The following RSRP1 variants were observed in gnomAD, a reference collection of about 807,000 sequenced individuals.
RSRP1 encodes the protein arginine and serine rich protein 1.
A neutral mutation model predicts 33.0 loss-of-function variants in RSRP1; 37 were observed. The ratio of observed to expected loss-of-function variants is 1.12; its 90% confidence interval spans 0.86 to 1.48. The LOEUF (loss-of-function observed/expected upper bound fraction) is 1.48, where lower values mean the gene tolerates loss of function less well. Among genes scored for constraint, RSRP1 ranks in the 40% most tolerant of loss-of-function variants. The pLI is 0.00. For synonymous variants in RSRP1, 167 were observed against 158.7 expected (o/e 1.05, Z -0.40); for missense variants, 402 against 385.3 (o/e 1.04, Z -0.36).
At chr1:25,273,302 A>AATTTT (rs1553137277) in intron 1 of RSRP1, among the ~76,000 whole-genome samples, 46 of 97,730 alleles carry the variant, frequency 4.7e-4, no homozygotes, top group African/African-American at 1.6e-3. Context: ...TGCCTGGCTA[A>AATTTT]TTTTTTTTTT....
intron 1 of RSRP1, among the ~76,000 whole-genome samples, chr1:25,283,532 T>A (rs75894073): frequency 0.022 from 2,665 of 120,940 alleles, 317 homozygotes; most frequent in African/African-American, 0.067. Flanking sequence ...TCTATCTCGA[T>A]ATTAAAAAAA....
At chr1:25,262,770 G>C (rs1640199082) in intron 1 of RSRP1, among the ~76,000 whole-genome samples, 1 of 152,220 alleles carries the variant, frequency 6.6e-6, no homozygotes, top group Admixed American at 6.5e-5. Context: ...GGCAGGAATG[G>C]AAGCGTGTAT....
intron 1 of RSRP1, among the ~76,000 whole-genome samples, chr1:25,309,397 T>C (rs192276517): frequency 1.5e-5 from 2 of 131,716 alleles, no homozygotes; most frequent in East Asian, 3.9e-4. Flanking sequence ...CTCTTTTGAA[T>C]AGCAGAGAAA....
In RSRP1 at chr1:25,283,872, C is replaced by T. The variant is rs1198503919; in HGVS notation, c.-66-36843G>A. 6.7e-5 allele frequency among the ~76,000 whole-genome samples: 9 copies of T among 134,100 alleles called. 1 individual carries two copies. Among genetic ancestry groups the T allele is most frequent in the Middle Eastern group, 8.0e-3 (2 of 250 alleles). The allele number at this position is 134,100 out of a possible 152,430, so 88.0% of individuals were successfully genotyped here. On this transcript the variant is annotated intron_variant, in intron 1 of 1. Coordinates refer to the RSRP1 transcript ENST00000561867. ...AAAACTGGAATTAAACCAAAGTGCTCACCCTCCGCTTTGCTGGGCCCCTCC... is the reference window on the plus strand; with the variant it reads ...AAAACTGGAATTAAACCAAAGTGCTTACCCTCCGCTTTGCTGGGCCCCTCC...
chr1:25,251,401 ACT>A (rs1295058504), upstream of RSRP1, among the ~76,000 whole-genome samples: 2 of 151,440 alleles, frequency 1.3e-5, no homozygotes, highest in African/African-American at 4.9e-5. Flanking sequence ...ACGGAGTTTC[ACT>A]CTGTTGCCCA....
At position 25,276,619 on chromosome 1, in the gene RSRP1, T is replaced by C. The variant is rs1199030137; in HGVS notation, c.-66-29590A>G. 3.3e-4 allele frequency among the ~76,000 whole-genome samples: 39 copies of C among 118,742 alleles called. 3 individuals are homozygous for C. Among genetic ancestry groups the C allele is most frequent in the African/African-American group, 9.7e-4 (32 of 33,036 alleles). 77.9% of individuals were successfully genotyped at this position (118,742 alleles called of 152,430 possible). A position where few individuals can be genotyped will look rare whatever the true frequency, so the allele number is the denominator to read the frequency against. ...GTCCCAGCTACTCAGTAGGCTGAGG[T>C]GAGAGGCTTGCTTGAGCCTGGGAGC... On this transcript the variant is annotated intron_variant, in intron 1 of 1. Transcript: ENST00000561867.
At chr1:25,257,042 T>C (rs1369913947) in intron 1 of RSRP1, among the ~76,000 whole-genome samples, 1 of 152,228 alleles carries the variant, frequency 6.6e-6, no homozygotes, top group African/African-American at 2.4e-5. Context: ...CTGCTTTAAG[T>C]AGTATTACTT....
intron 1 of RSRP1, among the ~76,000 whole-genome samples, chr1:25,278,501 T>C (rs991398867): frequency 1.5e-5 from 2 of 131,782 alleles, no homozygotes; most frequent in African/African-American, 5.2e-5. Flanking sequence ...CTTCTGTTAG[T>C]TTCACCCAGG....
Position 25,306,769 on chromosome 1 carries a change from C to T in RSRP1, c.-67+31209G>A, listed in dbSNP as rs200442437. ...TTACCCCCCATCCCCTTAACACTCC[C>T]CTCCAACTCAGGAAGAAATGTGTGC... On this transcript the variant is annotated intron_variant, in intron 1 of 1. Coordinates refer to the RSRP1 transcript ENST00000561867. The T allele has an allele frequency of 3.4e-4, 459 of 1,366,862 alleles. 113 individuals carry two copies. Among genetic ancestry groups the T allele is most frequent in the Non-Finnish European group, 1.0e-4 (98 of 969,960 alleles). 84.7% of individuals were successfully genotyped at this position (1,366,862 alleles called of 1,614,324 possible).
chr1:25,313,378 A>G lies in RSRP1; in HGVS notation c.-67+24600T>C, dbSNP rs561866779. Among the ~76,000 whole-genome samples, 19 of 132,800 alleles carry G rather than the reference A, an allele frequency of 1.4e-4. 2 individuals carry two copies. The South Asian group carries it at 3.2e-3, about 22-fold the overall frequency. The allele number at this position is 132,800 out of a possible 152,430, so 87.1% of individuals were successfully genotyped here. On this transcript the variant is annotated intron_variant, in intron 1 of 1. Coordinates refer to the RSRP1 transcript ENST00000561867. ...TGGTATTCTGTTATAGCAATAGAAA[A>G]TGAACTGAGATAATATACATGGAAT...
rs1237619841 is a variant in RSRP1, at chr1:25,268,819, G to C, written c.-66-21790C>G. Among the ~76,000 whole-genome samples, 3 of 128,858 alleles carry C rather than the reference G, an allele frequency of 2.3e-5. 1 individual carries two copies. Among genetic ancestry groups the C allele is most frequent in the South Asian group, 4.8e-4 (2 of 4,208 alleles). 84.5% of individuals were successfully genotyped at this position (128,858 alleles called of 152,430 possible). ...AAAAACTAGCCGGGTGTGGTATCAC[G>C]CGCCTATAATCCCAGCTACTCGGGA... On this transcript the variant is annotated intron_variant, in intron 1 of 1. Coordinates refer to the RSRP1 transcript ENST00000561867.
At chr1:25,336,885 G>C (rs1240780076) in intron 1 of RSRP1, among the ~76,000 whole-genome samples, 1 of 151,806 alleles carries the variant, frequency 6.6e-6, no homozygotes, top group African/African-American at 2.4e-5. Context: ...ATCGGCTAAT[G>C]CACCGCCAAA....
At chr1:25,268,863 A>T in intron 1 of RSRP1, among the ~76,000 whole-genome samples, 1 of 128,090 alleles carries the variant, frequency 7.8e-6, no homozygotes, top group Middle Eastern at 4.1e-3. Context: ...CGGGAGAATC[A>T]CTTGAACCTG....
chr1:25,284,040 G>A (rs572120460), intron 1 of RSRP1, among the ~76,000 whole-genome samples: 2 of 135,140 alleles, frequency 1.5e-5, no homozygotes, highest in Admixed American at 7.1e-5. Flanking sequence ...AGGCGGCAAA[G>A]GGAGGGAGGT....
intron 1 of RSRP1, among the ~76,000 whole-genome samples, chr1:25,286,890 C>CAACATG: frequency 7.4e-6 from 1 of 134,400 alleles, no homozygotes; most frequent in East Asian, 1.9e-4. Context: ...GTCAGGAGTC[C>CAACATG]GAGACCAACC....
chr1:25,243,098 C>CA lies in RSRP1; in HGVS notation c.757-394dup, dbSNP rs796504072. 8.2e-3 allele frequency among the ~76,000 whole-genome samples: 1,177 copies of CA among 143,812 alleles called. 12 individuals carry two copies. Among genetic ancestry groups the CA allele is most frequent in the African/African-American group, 0.028 (1,106 of 39,234 alleles). 94.3% of individuals were successfully genotyped at this position (143,812 alleles called of 152,430 possible). The stretch of plus-strand genomic sequence containing the variant: ...AACAGAGCAAGACTCTGTCTCAAAA[C>CA]AAAAAAAAAAGGATTATCAACCAAA... On this transcript the variant is annotated intron_variant, in intron 4 of 4. Coordinates refer to ENST00000243189, the MANE Select transcript of RSRP1 (RefSeq NM_020317.5).
chr1:25,333,231 C>T lies in RSRP1; in HGVS notation c.-67+4747G>A, dbSNP rs1224100236. 9.1e-5 allele frequency among the ~76,000 whole-genome samples: 12 copies of T among 132,040 alleles called. 4 individuals carry two copies. Among genetic ancestry groups the T allele is most frequent in the Non-Finnish European group, 2.1e-4 (12 of 55,954 alleles). The allele number at this position is 132,040 out of a possible 152,430, so 86.6% of individuals were successfully genotyped here. ...CATATATCAATCTCTTCTGGAAATA[C>T]CCTCACAGACACACTAACAAATAAT... On this transcript the variant is annotated intron_variant, in intron 1 of 1. Coordinates refer to the RSRP1 transcript ENST00000561867.
chr1:25,257,554 G>T (rs949482928), intron 1 of RSRP1, among the ~76,000 whole-genome samples: 42 of 151,844 alleles, frequency 2.8e-4, no homozygotes, highest in African/African-American at 9.9e-4. Context: ...TAGAGCAAAG[G>T]GTTTATTGTG....
intron 1 of RSRP1, among the ~76,000 whole-genome samples, chr1:25,309,662 G>A (rs1236484819): frequency 7.6e-6 from 1 of 131,912 alleles, no homozygotes; most frequent in Non-Finnish European, 1.8e-5. Flanking sequence ...GCCAAGCTTT[G>A]TGGACAGGCC....
Sources: allele counts gnomAD v4.1 joint callset (sites outside exome capture counted in the v4.1 genomes callset), GRCh38; gene constraint gnomAD v4.1.1; transcripts MANE v1.5; gene names NCBI Gene and HGNC (gene_info 2026-07-23, HGNC 2026-07-21).